The following ZNF875 variants were observed in gnomAD, a reference collection of about 807,000 sequenced individuals.
ZNF875 encodes the protein HKR1, GLI-Kruppel zinc finger family member.
Under a neutral mutation model 11.2 loss-of-function variants are expected in ZNF875, and 14 were observed. That is an observed-to-expected ratio of 1.26 (90% CI 0.83 to 1.96). ZNF875 has a LOEUF of 1.96. Ranked by LOEUF, ZNF875 falls within the 30% of genes most tolerant of loss-of-function variation. The pLI, the probability that ZNF875 is intolerant of heterozygous loss-of-function variation, is 0.00. For synonymous variants in ZNF875, 301 were observed against 281.1 expected (o/e 1.07, Z -0.71); for missense variants, 752 against 760.4 (o/e 0.99, Z 0.13).
chr19:37,339,765 A>G (rs950465967), intron 2 of ZNF875, among the ~76,000 whole-genome samples: 1 of 151,700 alleles, frequency 6.6e-6, no homozygotes, highest in African/African-American at 2.4e-5. Flanking sequence ...GGGTTTCACC[A>G]TATTGGCCAG....
Position 37,347,769 on chromosome 19 carries a change from A to G in ZNF875, c.161-8A>G, listed in dbSNP as rs777705309. ...CAACAATGTCCTCATTTTCTTCCCT[A>G]TGAACAGAAATTCCATCTTCTAAAC... On this transcript the variant is annotated splice_region_variant and splice_polypyrimidine_tract_variant and intron_variant, in intron 3 of 4. Coordinates refer to ENST00000392153, the MANE Select transcript of ZNF875 (RefSeq NM_001353803.2). The G allele has an allele frequency of 1.1e-5, 18 of 1,591,086 alleles. No homozygotes were observed. The East Asian group carries it at 1.8e-4, about 16-fold the overall frequency.
chr19:37,345,290 G>A (rs2036555765), intron 2 of ZNF875, among the ~76,000 whole-genome samples: 2 of 152,168 alleles, frequency 1.3e-5, no homozygotes. Flanking sequence ...CTCTTCTCTT[G>A]CGATTAAGTA....
intron 4 of ZNF875, among the ~76,000 whole-genome samples, chr19:37,356,287 G>A (rs1319564371): frequency 6.6e-6 from 1 of 152,054 alleles, no homozygotes; most frequent in African/African-American, 2.4e-5. Context: ...CCCAGTCTTG[G>A]GATTGTTGGA....
At chr19:37,361,701 G>C (rs1600231525) in intron 4 of ZNF875, among the ~76,000 whole-genome samples, 1 of 152,074 alleles carries the variant, frequency 6.6e-6, no homozygotes, top group Admixed American at 6.5e-5. Context: ...AGGCTGACCT[G>C]AGGTCAGGAG....
chr19:37,328,616 C>T (rs113900566), intron 4 of ZNF875: 1 of 152,270 alleles, frequency 6.6e-6, no homozygotes, highest in African/African-American at 2.4e-5. Flanking sequence ...CAGATGCAGG[C>T]CCCTCACTTT....
upstream of ZNF875, chr19:37,334,637 G>A: frequency 2.2e-6 from 1 of 455,604 alleles, no homozygotes; most frequent in Non-Finnish European, 4.4e-6. Flanking sequence ...GTGTAGCGTT[G>A]ACGTCAGAAA....
chr19:37,348,648 A>T (rs2037285765), intron 4 of ZNF875, among the ~76,000 whole-genome samples: 1 of 152,134 alleles, frequency 6.6e-6, no homozygotes, highest in Non-Finnish European at 1.5e-5. Flanking sequence ...TTTATGCATA[A>T]TTATAATACA....
intron 4 of ZNF875, among the ~76,000 whole-genome samples, chr19:37,351,344 A>G (rs1165220828): frequency 6.6e-6 from 1 of 152,048 alleles, no homozygotes; most frequent in Non-Finnish European, 1.5e-5. Flanking sequence ...TTTTATCTAA[A>G]GGTTTATTAA....
At chr19:37,353,621 T>C (rs1376178603) in intron 4 of ZNF875, among the ~76,000 whole-genome samples, 3 of 152,222 alleles carry the variant, frequency 2.0e-5, no homozygotes, top group Non-Finnish European at 4.4e-5. Flanking sequence ...GGATTTTCCA[T>C]TTTAATCTGA....
At chr19:37,334,982 C>T (rs1047592847) in intron 1 of ZNF875, 187 bp from the exon 2 acceptor site, 3 of 524,870 alleles carry the variant, frequency 5.7e-6, no homozygotes, top group Non-Finnish European at 1.1e-5. Flanking sequence ...CACTCCCTGT[C>T]CCGAGCTTGC....
At chr19:37,335,101 G>A in intron 1 of ZNF875, 68 bp from the exon 2 acceptor site, 1 of 656,026 alleles carries the variant, frequency 1.5e-6, no homozygotes, top group Non-Finnish European at 2.8e-6. Flanking sequence ...CTCTGGAGCG[G>A]ACTGCGCTTC....
rs2030853588 is a variant in ZNF875 at position 37,319,353 on chromosome 19, A to ATATATATATATG, written c.-747+1178_-747+1179insGTATATATATAT. Among the ~76,000 whole-genome samples, 4 of 142,554 alleles carry ATATATATATATG rather than the reference A, an allele frequency of 2.8e-5. 1 individual carries two copies. The South Asian group carries it at 8.9e-4, about 32-fold the overall frequency. 93.5% of individuals were successfully genotyped at this position (142,554 alleles called of 152,430 possible). On this transcript the variant is annotated intron_variant, in intron 1 of 5. Coordinates refer to the ZNF875 transcript ENST00000544914. Reference sequence around the variant, plus strand: ...GCTCCACTGCAGCCGGCATATATATATATATATATATATATAATAAAAATG... The same window carrying ATATATATATATG: ...GCTCCACTGCAGCCGGCATATATATATATATATATATGTATATATATATATATAATAAAAATG...
chr19:37,324,593 A>T (rs1223050847), intron 4 of ZNF875, among the ~76,000 whole-genome samples: 2 of 152,246 alleles, frequency 1.3e-5, no homozygotes, highest in Non-Finnish European at 2.9e-5. Flanking sequence ...AATGCTTGTG[A>T]AACGCTATAA....
intron 2 of ZNF875, among the ~76,000 whole-genome samples, chr19:37,339,707 GGTGCCCGC>G (rs2035292172): frequency 6.6e-6 from 1 of 151,774 alleles, no homozygotes; most frequent in East Asian, 1.9e-4. Context: ...TGGGATTACA[GGTGCCCGC>G]CACCACACCA....
At chr19:37,342,926 T>C (rs1220224272) in intron 2 of ZNF875, among the ~76,000 whole-genome samples, 2 of 152,236 alleles carry the variant, frequency 1.3e-5, no homozygotes, top group Non-Finnish European at 2.9e-5. Context: ...GCTAATAGTT[T>C]TCCTGGATGC....
At chr19:37,338,154 G>A (rs1490269115) in intron 2 of ZNF875, among the ~76,000 whole-genome samples, 1 of 152,156 alleles carries the variant, frequency 6.6e-6, no homozygotes, top group African/African-American at 2.4e-5. Context: ...GCGGAGTCAT[G>A]CTCTGTCACC....
exon 1 of ZNF875, chr19:37,318,057 C>T (rs1162211421): frequency 1.9e-5 from 3 of 155,642 alleles, no homozygotes; most frequent in African/African-American, 4.8e-5. Context: ...GGAAATCGGC[C>T]ATCGCCACGG....
intron 1 of ZNF875, among the ~76,000 whole-genome samples, chr19:37,318,807 C>T (rs751406697): frequency 2.0e-5 from 3 of 152,078 alleles, no homozygotes; most frequent in Non-Finnish European, 4.4e-5. Flanking sequence ...AGGTGTGAGC[C>T]ACCGCGCCCA....
rs145666888 is a variant in ZNF875 at position 37,351,482 on chromosome 19, CTCT to C, written c.256+3618_256+3620del. ...TTCTACTTTCTTTGGGTTTAATTTC[CTCT>C]TCTTCTTACTTCCTGAGGTAGAAGC... On this transcript the variant is annotated intron_variant, in intron 4 of 4. Coordinates refer to ENST00000392153, the MANE Select transcript of ZNF875 (RefSeq NM_001353803.2). 6.5e-3 allele frequency among the ~76,000 whole-genome samples: 981 copies of C among 152,084 alleles called. 25 individuals carry two copies. The highest frequency in any genetic ancestry group is 0.053 in the East Asian group (272 of 5,176).
Sources: allele counts gnomAD v4.1 joint callset (sites outside exome capture counted in the v4.1 genomes callset), GRCh38; gene constraint gnomAD v4.1.1; transcripts MANE v1.5; gene names NCBI Gene and HGNC (gene_info 2026-07-23, HGNC 2026-07-21).